The following RYR2 variants were observed in gnomAD, a reference collection of about 807,000 sequenced individuals.
RYR2 encodes cardiac muscle ryanodine receptor-calcium release channel.
In RYR2, 227 loss-of-function variants were observed where a neutral mutation model predicts 601.1. That is an observed-to-expected ratio of 0.38 (90% CI 0.34 to 0.42). The LOEUF is 0.42. Among genes scored for constraint, RYR2 ranks in the 10% least tolerant of loss-of-function variants. The pLI is 1.00. For synonymous variants in RYR2, 2,223 were observed against 2,175.1 expected (o/e 1.02, Z -0.61); for missense variants, 4,646 against 6,156.5 (o/e 0.75, Z 8.21).
At chr1:237,203,143 A>G (rs976780350) in intron 1 of RYR2, among the ~76,000 whole-genome samples, 2 of 151,990 alleles carry the variant, frequency 1.3e-5, no homozygotes, top group African/African-American at 4.8e-5. Flanking sequence ...AAAAACCACC[A>G]TCACCACCAC....
intron 25 of RYR2, among the ~76,000 whole-genome samples, chr1:237,543,990 GTTGTT>G (rs1669551449): frequency 6.6e-6 from 1 of 152,042 alleles, no homozygotes; most frequent in South Asian, 2.1e-4. Flanking sequence ...CAGGATCTTT[GTTGTT>G]TTGTTTTGTT....
intron 1 of RYR2, among the ~76,000 whole-genome samples, chr1:237,110,778 A>G (rs1213145207): frequency 6.6e-6 from 1 of 152,190 alleles, no homozygotes; most frequent in Non-Finnish European, 1.5e-5. Flanking sequence ...CCTGCTGTGG[A>G]CTGAAACATT....
chr1:237,707,042 G>T lies in RYR2; in HGVS notation c.9674G>T (p.Gly3225Val), dbSNP rs1409242852. The T allele has an allele frequency of 6.2e-7, 1 of 1,613,796 alleles. No homozygotes were observed. ...MEEIVELAES[G>V]IRYTQMPHVM... Reference sequence around the variant, plus strand: ...GAAATCGTGGAATTAGCCGAGTCCGGCATTCGCTACACTCAAATGCCACAT... The same window carrying T: ...GAAATCGTGGAATTAGCCGAGTCCGTCATTCGCTACACTCAAATGCCACAT... The change falls in exon 68 of 105, where the codon GGC (glycine) becomes GTC (valine). Residue 3225 changes from glycine (G) to valine (V), a missense_variant. By Grantham distance (109) the Gly-to-Val change is moderately radical. Coordinates refer to ENST00000366574, the MANE Select transcript of RYR2 (RefSeq NM_001035.3).
intron 10 of RYR2, among the ~76,000 whole-genome samples, chr1:237,406,172 TCCCTCCCCTCCCCTC>T (rs1558764702): frequency 5.5e-4 from 10 of 18,092 alleles, no homozygotes; most frequent in African/African-American, 2.6e-3. Flanking sequence ...TCCCTTCCCT[TCCCTCCCCTCCCCTC>T]CCCTTCCCTT....
intron 69 of RYR2, 111 bp downstream of exon 69, chr1:237,709,209 A>G (rs1026094662): frequency 1.7e-5 from 17 of 1,028,940 alleles, no homozygotes; most frequent in Admixed American, 2.8e-5. Flanking sequence ...CTTGTTGGTA[A>G]TTATAATTAA....
At chr1:237,459,252 C>A (rs1659193231) in intron 16 of RYR2, among the ~76,000 whole-genome samples, 1 of 152,102 alleles carries the variant, frequency 6.6e-6, no homozygotes, top group African/African-American at 2.4e-5. Flanking sequence ...AGTTGCATCA[C>A]CTAGCCTGGA....
At chr1:237,281,675 C>T (rs572312024) in intron 2 of RYR2, among the ~76,000 whole-genome samples, 1 of 152,354 alleles carries the variant, frequency 6.6e-6, no homozygotes, top group South Asian at 2.1e-4. Context: ...CCAGATGGTG[C>T]AGGCATTGGT....
intron 96 of RYR2, 27 bp downstream of exon 96, chr1:237,795,358 T>C: frequency 8.1e-7 from 1 of 1,238,652 alleles, no homozygotes. Flanking sequence ...TCCTCTACAT[T>C]TTTCTTAAAG....
At chr1:237,186,044 C>A (rs1558389537) in intron 1 of RYR2, among the ~76,000 whole-genome samples, 1 of 152,172 alleles carries the variant, frequency 6.6e-6, no homozygotes, top group Non-Finnish European at 1.5e-5. Flanking sequence ...GAGGGTTGTC[C>A]CTGCAGGCTC....
At chr1:237,486,535 C>T (rs1662705726) in intron 17 of RYR2, among the ~76,000 whole-genome samples, 1 of 151,860 alleles carries the variant, frequency 6.6e-6, no homozygotes, top group Non-Finnish European at 1.5e-5. Context: ...TTAAAAGACT[C>T]CATAGATTAA....
chr1:237,114,749 C>A (rs762654795), intron 1 of RYR2, among the ~76,000 whole-genome samples: 2 of 152,198 alleles, frequency 1.3e-5, no homozygotes, highest in Non-Finnish European at 2.9e-5. Flanking sequence ...CACATCCCAG[C>A]CCTACCACCT....
chr1:237,769,124 T>C (rs1281724191), intron 84 of RYR2, among the ~76,000 whole-genome samples: 3 of 152,168 alleles, frequency 2.0e-5, no homozygotes, highest in African/African-American at 7.2e-5. Context: ...GTGTACATGG[T>C]TTATTGAATT....
intron 10 of RYR2, among the ~76,000 whole-genome samples, chr1:237,399,129 A>T (rs562724048): frequency 1.3e-5 from 2 of 152,332 alleles, no homozygotes; most frequent in East Asian, 3.9e-4. Flanking sequence ...CAGGAGTTGG[A>T]GGTTGCAGTG....
At chr1:237,805,575 T>TTTTTTTTTTTTTTTTTTTTTTTGAG (rs1558456088) in intron 98 of RYR2, among the ~76,000 whole-genome samples, 1 of 103,412 alleles carries the variant, frequency 9.7e-6, no homozygotes, top group Admixed American at 1.1e-4. Context: ...AGCTAGACTC[T>TTTTTTTTTTTTTTTTTTTTTTTGAG]GTCTCAAAAA....
chr1:237,438,905 T>C (rs1707648466), intron 12 of RYR2, among the ~76,000 whole-genome samples: 1 of 152,234 alleles, frequency 6.6e-6, no homozygotes, highest in African/African-American at 2.4e-5. Context: ...AATTTTATAA[T>C]AGTTTCTATA....
chr1:237,795,214 A>C, intron 95 of RYR2, 75 bp from the exon 96 acceptor site: 1 of 708,914 alleles, frequency 1.4e-6, no homozygotes, highest in Non-Finnish European at 2.3e-6. Context: ...TAAGTATGCC[A>C]TATATCCCAA....
At chr1:237,304,885 A>G (rs983012815) in intron 2 of RYR2, among the ~76,000 whole-genome samples, 2 of 152,240 alleles carry the variant, frequency 1.3e-5, no homozygotes, top group Non-Finnish European at 2.9e-5. Context: ...TACAAAAGTG[A>G]CAACCAAATA....
At chr1:237,584,646 C>T (rs914533213) in intron 29 of RYR2, among the ~76,000 whole-genome samples, 7 of 46,304 alleles carry the variant, frequency 1.5e-4, no homozygotes, top group Non-Finnish European at 2.7e-4. Context: ...CAGCTCACCA[C>T]CTGTTTTTTT....
chr1:237,338,655 T>C (rs1697471527), intron 3 of RYR2, among the ~76,000 whole-genome samples: 1 of 152,146 alleles, frequency 6.6e-6, no homozygotes, highest in Non-Finnish European at 1.5e-5. Context: ...GTATTTGAAG[T>C]ATGGTCACAG....
Sources: gnomAD v4.1 joint callset for allele counts (sites outside exome capture counted in the v4.1 genomes callset) on GRCh38, gnomAD v4.1.1 for gene constraint, MANE v1.5 for transcripts, NCBI Gene and HGNC (gene_info 2026-07-23, HGNC 2026-07-21) for gene names.